Variants in MTUS2 observed in about 807,000 individuals in gnomAD.
MTUS2 encodes microtubule-associated tumor suppressor candidate 2.
In MTUS2, 40 loss-of-function variants were observed where a neutral mutation model predicts 114.1. That is an observed-to-expected ratio of 0.35 (90% CI 0.27 to 0.46). The LOEUF is 0.46. Ranked by LOEUF, MTUS2 falls within the 20% of genes least tolerant of loss-of-function variation. The probability of loss-of-function intolerance (pLI) is 1.00; values close to 1 mark genes in which losing one functional copy is unlikely to be tolerated. For synonymous variants in MTUS2, 688 were observed against 672.0 expected (o/e 1.02, Z -0.37); for missense variants, 1,679 against 1,705.4 (o/e 0.98, Z 0.27).
Position 29,167,685 on chromosome 13 carries a change from T to G in MTUS2, c.2644+66715T>G, listed in dbSNP as rs543465827. On this transcript the variant is annotated intron_variant, in intron 5 of 15. Coordinates refer to ENST00000612955, the MANE Select transcript of MTUS2 (RefSeq NM_001033602.4). ...GTTGAGCATCCCAAGTTTGAAAATT[T>G]GTAATCCAAAATGCTCCAAAATCCA... 4.1e-4 allele frequency among the ~76,000 whole-genome samples: 62 copies of G among 152,222 alleles called. No individual in the cohort carries two copies. The Middle Eastern group carries it at 0.014, about 34-fold the overall frequency.
At chr13:28,981,391 G>A (rs1409142848) in intron 2 of MTUS2, among the ~76,000 whole-genome samples, 1 of 152,106 alleles carries the variant, frequency 6.6e-6, no homozygotes, top group African/African-American at 2.4e-5. Context: ...TAGTTTCCAG[G>A]GGCTGAGGGC....
At chr13:28,845,961 C>A (rs928469847) in intron 2 of MTUS2, among the ~76,000 whole-genome samples, 1 of 151,454 alleles carries the variant, frequency 6.6e-6, no homozygotes, top group Non-Finnish European at 1.5e-5. Context: ...AATGAAGCCT[C>A]ATTTAAGTCT....
rs532952669 is a variant in MTUS2 at position 29,289,464 on chromosome 13, C to CTTT, written c.2806+7613_2806+7615dup. Among the ~76,000 whole-genome samples the CTTT allele has an allele frequency of 5.9e-3, 825 of 139,700 alleles. 17 individuals are homozygous for CTTT. The highest frequency in any genetic ancestry group is 1.0e-2 in the African/African-American group (376 of 37,608). 91.6% of individuals were successfully genotyped at this position (139,700 alleles called of 152,430 possible). On this transcript the variant is annotated intron_variant, in intron 6 of 15. Coordinates refer to ENST00000612955, the MANE Select transcript of MTUS2 (RefSeq NM_001033602.4). ...AGGACATAGAACAAAGTAGGCATTT[C>CTTT]TTTTTTTTTTTTTTTTGAGACGGAG... is the stretch of plus-strand genomic sequence containing the variant.
chr13:29,383,934 A>AC (rs56308615), intron 8 of MTUS2, among the ~76,000 whole-genome samples: 3 of 151,858 alleles, frequency 2.0e-5, no homozygotes, highest in East Asian at 1.9e-4. Context: ...AAACTTACTC[A>AC]GCAAAACATA....
At chr13:29,432,406 A>G (rs1475306181) in intron 8 of MTUS2, among the ~76,000 whole-genome samples, 1 of 152,216 alleles carries the variant, frequency 6.6e-6, no homozygotes, top group African/African-American at 2.4e-5. Flanking sequence ...TTGAGTTATT[A>G]AGAGGAATAA....
intron 2 of MTUS2, among the ~76,000 whole-genome samples, chr13:28,902,236 T>G (rs1253954207): frequency 3.3e-5 from 5 of 152,168 alleles, no homozygotes; most frequent in Non-Finnish European, 7.4e-5. Context: ...AATAGTTTTC[T>G]TGGGAAATTC....
At chr13:29,493,783 G>A (rs570644316) in intron 12 of MTUS2, among the ~76,000 whole-genome samples, 6 of 152,292 alleles carry the variant, frequency 3.9e-5, no homozygotes, top group African/African-American at 1.4e-4. Flanking sequence ...GGAAAGTGAC[G>A]GCCATACAGC....
intron 8 of MTUS2, among the ~76,000 whole-genome samples, chr13:29,421,138 G>A (rs1358543749): frequency 6.6e-6 from 1 of 152,110 alleles, no homozygotes; most frequent in East Asian, 1.9e-4. Context: ...GTGGATGATC[G>A]TAACTACCCA....
At chr13:29,205,360 TTGTC>T (rs1593600738) in intron 5 of MTUS2, among the ~76,000 whole-genome samples, 1 of 152,186 alleles carries the variant, frequency 6.6e-6, no homozygotes, top group East Asian at 1.9e-4. Context: ...CATGAATAGA[TTGTC>T]TGTCTCTGAA....
chr13:29,172,255 C>A (rs1893594966), intron 5 of MTUS2, among the ~76,000 whole-genome samples: 1 of 152,188 alleles, frequency 6.6e-6, no homozygotes, highest in Admixed American at 6.5e-5. Flanking sequence ...AGCATGGATG[C>A]AGAACTTGAC....
At chr13:29,473,795 T>C (rs1352062463) in intron 9 of MTUS2, among the ~76,000 whole-genome samples, 1 of 152,170 alleles carries the variant, frequency 6.6e-6, no homozygotes, top group East Asian at 1.9e-4. Context: ...CTCAGCTCCC[T>C]AGATTGTAGG....
At chr13:28,969,981 A>G (rs1883778275) in intron 2 of MTUS2, among the ~76,000 whole-genome samples, 1 of 152,090 alleles carries the variant, frequency 6.6e-6, no homozygotes, top group South Asian at 2.1e-4. Context: ...GGGTTTCACC[A>G]TGTTGCCAGG....
chr13:29,306,337 G>A (rs1899456888), intron 6 of MTUS2, among the ~76,000 whole-genome samples: 1 of 152,184 alleles, frequency 6.6e-6, no homozygotes, highest in Admixed American at 6.5e-5. Context: ...AGGAAGAGAT[G>A]AAGTCAAAGT....
chr13:29,160,633 G>C (rs1893054434), intron 5 of MTUS2, among the ~76,000 whole-genome samples: 1 of 152,182 alleles, frequency 6.6e-6, no homozygotes, highest in Admixed American at 6.5e-5. Context: ...AGCTGGGCAT[G>C]GTGGTGGATG....
At chr13:29,451,415 A>G (rs1327842645) in intron 9 of MTUS2, among the ~76,000 whole-genome samples, 1 of 152,206 alleles carries the variant, frequency 6.6e-6, no homozygotes. Context: ...AAATCTGTGG[A>G]ATGCAAAATT....
chr13:29,461,150 A>C (rs1879458997), intron 9 of MTUS2, among the ~76,000 whole-genome samples: 1 of 152,184 alleles, frequency 6.6e-6, no homozygotes, highest in African/African-American at 2.4e-5. Flanking sequence ...GGCAGAAGGC[A>C]GAAGGAAAAG....
At chr13:28,824,563 TC>T (rs1874134672) in intron 1 of MTUS2, among the ~76,000 whole-genome samples, 2 of 152,296 alleles carry the variant, frequency 1.3e-5, no homozygotes, top group Admixed American at 6.5e-5. Flanking sequence ...CCCAGTCACC[TC>T]TACCTGAATT....
chr13:29,354,151 C>T (rs1869535285), intron 7 of MTUS2, among the ~76,000 whole-genome samples: 1 of 152,010 alleles, frequency 6.6e-6, no homozygotes, highest in South Asian at 2.1e-4. Flanking sequence ...TGTAGACTCA[C>T]CTTGTTTGTT....
chr13:28,972,524 C>G (rs1762601981), intron 2 of MTUS2, among the ~76,000 whole-genome samples: 1 of 152,120 alleles, frequency 6.6e-6, no homozygotes, highest in Admixed American at 6.5e-5. Flanking sequence ...AAACCCAAAA[C>G]AATCTTAGTT....
Sources: gnomAD v4.1 joint callset for allele counts (sites outside exome capture counted in the v4.1 genomes callset) on GRCh38, gnomAD v4.1.1 for gene constraint, MANE v1.5 for transcripts, NCBI Gene and HGNC (gene_info 2026-07-23, HGNC 2026-07-21) for gene names.